IRAK1: variants seen among roughly 807,000 people sequenced by gnomAD.
IRAK1 encodes the protein interleukin 1 receptor associated kinase 1.
Under a neutral mutation model 49.8 loss-of-function variants are expected in IRAK1, and 9 were observed. The observed-to-expected ratio is 0.18, with a 90% CI of 0.11 to 0.32. The LOEUF is 0.32. IRAK1 is among the 10% of genes least tolerant of loss of function. The pLI is 1.00. For missense variants in IRAK1, 418 were observed against 600.5 expected, an observed-to-expected ratio of 0.70 and a Z score of 3.18; for synonymous variants, 282 against 270.8, an observed-to-expected ratio of 1.04 and a Z score of -0.41.
intron 10 of IRAK1, among the ~76,000 whole-genome samples, 157 bp downstream of exon 10, chrX:154,015,875 G>A (rs782019036): frequency 2.8e-4 from 32 of 112,515 alleles, no homozygotes; most frequent in African/African-American, 9.0e-4. Flanking sequence ...CAAGGTAAAC[G>A]AAGTTGTTTG....
At position 154,016,429 on chromosome X, in the gene IRAK1, T is replaced by C; in HGVS notation, c.1236+8A>G. ...TCCTCTGAGCCAGCAGAGGGGTCAGTGGCTCACCACCCCAAAGCTGAAGGT... is the reference window on the plus strand; with the variant it reads ...TCCTCTGAGCCAGCAGAGGGGTCAGCGGCTCACCACCCCAAAGCTGAAGGT... On this transcript the variant is annotated splice_region_variant and intron_variant, in intron 9 of 13. Transcript: ENST00000369980. 1.7e-6 allele frequency: 2 copies of C among 1,206,689 alleles called. No individual in the cohort carries two copies. The highest frequency in any genetic ancestry group is 1.1e-6 in the Non-Finnish European group (1 of 890,955).
chrX:154,015,165 CGTTGGGGG>C (rs2148640028), intron 10 of IRAK1, among the ~76,000 whole-genome samples: 1 of 112,068 alleles, frequency 8.9e-6, no homozygotes, highest in South Asian at 3.7e-4. Flanking sequence ...GGACCTGGGG[CGTTGGGGG>C]GTCAACCACA....
rs782327366 is a variant in IRAK1, at chrX:154,011,741, G to A, written c.*118C>T. 1.8e-5 allele frequency: 13 copies of A among 707,368 alleles called. No homozygotes were observed. The highest frequency in any genetic ancestry group is 2.7e-5 in the Non-Finnish European group (12 of 439,072). The allele number at this position is 707,368 out of a possible 1,213,427, so 58.3% of individuals were successfully genotyped here. ...GCAGGGCCACCTCCTTCTCTCCCCC[G>A]CGGGCATGGGCCCCCACCCCCACTG... On this transcript the variant is annotated 3_prime_UTR_variant, in exon 14 of 14. Coordinates refer to ENST00000369980, the MANE Select transcript of IRAK1 (RefSeq NM_001569.4).
At chrX:154,014,361 T>C in intron 10 of IRAK1, 83 bp from the exon 11 acceptor site, 2 of 776,830 alleles carry the variant, frequency 2.6e-6, no homozygotes, top group South Asian at 2.7e-5. Context: ...CTCAATCGTA[T>C]GGGTTTTGAT....
In IRAK1 at chrX:154,011,444, T is replaced by A; in HGVS notation, c.*415A>T. On this transcript the variant is annotated 3_prime_UTR_variant, in exon 14 of 14. Transcript: ENST00000369980. ...GGGCCCTAGGCCTCGTCGGCCCCAT[T>A]GTGCAGGGTGGCCACTGTCCAAAGA... 1 of 262,059 alleles carries A rather than the reference T, an allele frequency of 3.8e-6. No individual in the cohort carries two copies. The highest frequency in any genetic ancestry group is 7.1e-6 in the Non-Finnish European group (1 of 141,431). The allele number at this position is 262,059 out of a possible 1,213,427, so 21.6% of individuals were successfully genotyped here. A position where few individuals can be genotyped will look rare whatever the true frequency, so the allele number is the denominator to read the frequency against.
intron 12 of IRAK1, 44 bp from the exon 13 acceptor site, chrX:154,012,722 C>T (rs1189105830): frequency 8.5e-7 from 1 of 1,171,010 alleles, no homozygotes; most frequent in Non-Finnish European, 1.2e-6. Flanking sequence ...CTGTGGCTCC[C>T]CAGCCCGCAG....
intron 12 of IRAK1, 138 bp from the exon 13 acceptor site, chrX:154,012,816 GA>G: frequency 2.5e-6 from 2 of 791,850 alleles, no homozygotes; most frequent in Non-Finnish European, 3.6e-6. Context: ...CTACCAGACA[GA>G]GCCCTCCTTG....
At chrX:154,014,477 T>A in intron 10 of IRAK1, 199 bp from the exon 11 acceptor site, 1 of 434,116 alleles carries the variant, frequency 2.3e-6, no homozygotes, top group Non-Finnish European at 3.9e-6. Flanking sequence ...AAAGTGCTGG[T>A]GTTACAGGTG....
rs782731802 is a variant in IRAK1, at chrX:154,017,044, G to A, written c.933C>T (p.Ser311=). 2.9e-5 allele frequency: 35 copies of A among 1,207,508 alleles called. No individual in the cohort carries two copies. The Middle Eastern group carries it at 6.9e-4, about 24-fold the overall frequency. Residue 311 remains serine, a synonymous_variant, in exon 8 of 14, where the codon TCC becomes TCT. Coordinates refer to ENST00000369980, the MANE Select transcript of IRAK1 (RefSeq NM_001569.4). ...GAAGGATGTCCAGTCGCTGAGGCCA[G>A]GAGAGAGGTGGGCAGGCCTGGGTCT... ...HCQTQACPPL[S]WPQRLDILLG... is the part of the protein sequence containing the mutation.
chrX:154,012,354 G>A (rs1273142815), intron 13 of IRAK1, among the ~76,000 whole-genome samples, 175 bp downstream of exon 13: 1 of 112,817 alleles, frequency 8.9e-6, no homozygotes, highest in African/African-American at 3.2e-5. Context: ...GGAAGGAGTG[G>A]GCCAGGGTCT....
At chrX:154,013,854 G>A (rs782624769) in intron 11 of IRAK1, among the ~76,000 whole-genome samples, 188 bp downstream of exon 11, 21 of 112,436 alleles carry the variant, frequency 1.9e-4, no homozygotes, top group African/African-American at 6.8e-4. Flanking sequence ...GCTGGGCTCC[G>A]CAAAGCAGGA....
At chrX:154,018,506 G>A in intron 5 of IRAK1, 93 bp downstream of exon 5, 3 of 904,899 alleles carry the variant, frequency 3.3e-6, no homozygotes, top group Non-Finnish European at 4.8e-6. Flanking sequence ...GAGGGCTGAA[G>A]GAGTTGTGTG....
Position 154,013,111 on chromosome X carries a change from G to A in IRAK1, c.1862C>T (p.Pro621Leu). ...CGATTCTCCTGCCGTGTCCCCCTGA[G>A]GACAGCCGGCCTCCCTGAGGGGTGC... Reference protein sequence around the residue: ...DPAPLREAGCPQGDTAGESSW... With the variant: ...DPAPLREAGCLQGDTAGESSW... Residue 621 changes from proline to leucine, a missense_variant, in exon 12 of 14, where the codon CCT becomes CTT. Transcript: ENST00000369980. The A allele has an allele frequency of 8.3e-7, 1 of 1,209,884 alleles. No homozygotes were observed. Among genetic ancestry groups the A allele is most frequent in the African/African-American group, 1.7e-5 (1 of 57,966 alleles).
At chrX:154,014,629 CA>C (rs1475370152) in intron 10 of IRAK1, among the ~76,000 whole-genome samples, 3 of 111,748 alleles carry the variant, frequency 2.7e-5, no homozygotes, top group Non-Finnish European at 5.7e-5. Flanking sequence ...GTGATCCTCC[CA>C]CCTCGGCCTC....
At chrX:154,016,891 C>T in intron 8 of IRAK1, 58 bp downstream of exon 8, 1 of 893,221 alleles carries the variant, frequency 1.1e-6, no homozygotes, top group South Asian at 2.0e-5. Context: ...ATTGATAGGA[C>T]GCGGGGCCCC....
At chrX:154,013,660 T>C (rs1196044794) in intron 11 of IRAK1, among the ~76,000 whole-genome samples, 1 of 113,070 alleles carries the variant, frequency 8.8e-6, no homozygotes, top group Non-Finnish European at 1.9e-5. Flanking sequence ...CTCGTTCTTT[T>C]CTACAAAATG....
chrX:154,016,261 AAC>A (rs1233745528), intron 9 of IRAK1, among the ~76,000 whole-genome samples, 164 bp from the exon 10 acceptor site: 6 of 112,714 alleles, frequency 5.3e-5, no homozygotes, highest in African/African-American at 1.9e-4. Context: ...ACAAATTACA[AAC>A]ACACAGTTAG....
intron 8 of IRAK1, 69 bp downstream of exon 8, chrX:154,016,880 C>T: frequency 2.5e-6 from 2 of 799,747 alleles, no homozygotes; most frequent in Non-Finnish European, 3.8e-6. Context: ...CTGATCCCCA[C>T]ATTGATAGGA....
At chrX:154,017,151 C>T (rs1474069430) in intron 7 of IRAK1, 84 bp from the exon 8 acceptor site, 5 of 606,054 alleles carry the variant, frequency 8.3e-6, no homozygotes, top group South Asian at 2.3e-5. Flanking sequence ...ACCGTGCAGC[C>T]TGGAACAGCC....
Sources: allele counts gnomAD v4.1 joint callset (sites outside exome capture counted in the v4.1 genomes callset), GRCh38; gene constraint gnomAD v4.1.1; transcripts MANE v1.5; gene names NCBI Gene and HGNC (gene_info 2026-07-23, HGNC 2026-07-21).